Variants in ZFHX3 observed in about 807,000 individuals in gnomAD.
ZFHX3 encodes zinc finger homeobox protein 3.
In ZFHX3, 42 loss-of-function variants were observed where a neutral mutation model predicts 279.1. That is an observed-to-expected ratio of 0.15 (90% confidence interval 0.12 to 0.19). The LOEUF is 0.19. Among genes scored for constraint, ZFHX3 ranks in the 10% least tolerant of loss-of-function variants. The pLI is 1.00. For synonymous variants in ZFHX3, 2,293 were observed against 1,957.8 expected, an observed-to-expected ratio of 1.17 and a Z score of -4.52; for missense variants, 4,981 against 4,754.0, an observed-to-expected ratio of 1.05 and a Z score of -1.40.
intron 4 of ZFHX3, among the ~76,000 whole-genome samples, chr16:73,314,271 T>C (rs1947534791): frequency 6.6e-6 from 1 of 152,200 alleles, no homozygotes; most frequent in Non-Finnish European, 1.5e-5. Flanking sequence ...CACTCCTGAG[T>C]CTTGAGCCTG....
At chr16:73,394,896 G>C (rs2017096059) in intron 3 of ZFHX3, among the ~76,000 whole-genome samples, 1 of 152,062 alleles carries the variant, frequency 6.6e-6, no homozygotes, top group Non-Finnish European at 1.5e-5. Flanking sequence ...GGCCCAGAAG[G>C]GTAAAGACAT....
At chr16:72,919,777 CTTTTTTTTTTTT>C (rs532405250) in intron 3 of ZFHX3, among the ~76,000 whole-genome samples, 311 of 42,292 alleles carry the variant, frequency 7.4e-3, no homozygotes, top group African/African-American at 0.031. Context: ...TATGCACCAT[CTTTTTTTTTTTT>C]TTTTTTTTTT....
chr16:73,473,513 T>C (rs1485048312), intron 2 of ZFHX3, among the ~76,000 whole-genome samples: 1 of 152,110 alleles, frequency 6.6e-6, no homozygotes, highest in Non-Finnish European at 1.5e-5. Context: ...AGTCCTGGCC[T>C]ATGTTTGATC....
intron 1 of ZFHX3, among the ~76,000 whole-genome samples, chr16:73,842,486 A>G (rs1167294701): frequency 3.3e-5 from 5 of 151,980 alleles, no homozygotes; most frequent in African/African-American, 1.2e-4. Flanking sequence ...TTTTGCTAAG[A>G]GTACAGTCTC....
chr16:73,310,422 C>G (rs951500353), intron 4 of ZFHX3, among the ~76,000 whole-genome samples: 2 of 152,318 alleles, frequency 1.3e-5, no homozygotes, highest in African/African-American at 4.8e-5. Flanking sequence ...TGTCTGCACT[C>G]GGGGTCACTG....
intron 3 of ZFHX3, among the ~76,000 whole-genome samples, chr16:72,897,439 CT>C (rs941256451): frequency 3.3e-5 from 5 of 152,036 alleles, no homozygotes; most frequent in South Asian, 2.1e-4. Flanking sequence ...TACACACATA[CT>C]TTTTTTCTTT....
chr16:72,852,554 A>T (rs2037643607), intron 4 of ZFHX3, among the ~76,000 whole-genome samples: 2 of 152,258 alleles, frequency 1.3e-5, no homozygotes, highest in Admixed American at 1.3e-4. Context: ...CAAAATGGAG[A>T]CAGCTGTGCA....
At chr16:73,014,764 G>C (rs1172906404) in intron 1 of ZFHX3, among the ~76,000 whole-genome samples, 1 of 151,558 alleles carries the variant, frequency 6.6e-6, no homozygotes, top group African/African-American at 2.4e-5. Flanking sequence ...CACCTGCCTC[G>C]GCCTCCCAAA....
At chr16:73,332,356 A>G (rs1219716669) in intron 3 of ZFHX3, among the ~76,000 whole-genome samples, 3 of 152,228 alleles carry the variant, frequency 2.0e-5, no homozygotes, top group African/African-American at 4.8e-5. Context: ...TAAATCATTT[A>G]CATGACAGTG....
At chr16:73,887,615 T>C (rs1379244570) in intron 1 of ZFHX3, among the ~76,000 whole-genome samples, 1 of 151,616 alleles carries the variant, frequency 6.6e-6, no homozygotes, top group East Asian at 1.9e-4. Context: ...TTCTTTAGAG[T>C]AGATGAATTG....
At chr16:73,082,331 G>A (rs535941401) in intron 8 of ZFHX3, among the ~76,000 whole-genome samples, 5 of 152,050 alleles carry the variant, frequency 3.3e-5, no homozygotes, top group Admixed American at 6.6e-5. Flanking sequence ...GCAGTGGCGC[G>A]ATCTTGGCTC....
chr16:72,885,859 G>A (rs2038609648), intron 4 of ZFHX3, among the ~76,000 whole-genome samples: 1 of 152,230 alleles, frequency 6.6e-6, no homozygotes, highest in African/African-American at 2.4e-5. Context: ...CTTCTGGTCA[G>A]AGTGGGTGGG....
chr16:73,288,804 C>T (rs1311976927), intron 4 of ZFHX3, among the ~76,000 whole-genome samples: 2 of 151,824 alleles, frequency 1.3e-5, no homozygotes, highest in African/African-American at 2.4e-5. Context: ...AATAACCGCC[C>T]GTTTTCACAT....
intron 7 of ZFHX3, chr16:73,126,548 T>A (rs1039936713): frequency 6.6e-6 from 1 of 152,098 alleles, no homozygotes; most frequent in Non-Finnish European, 1.5e-5. Flanking sequence ...AGGGTACACG[T>A]TGGAAAAAAA....
chr16:73,385,060 G>A (rs927113028), intron 3 of ZFHX3, among the ~76,000 whole-genome samples: 1 of 152,116 alleles, frequency 6.6e-6, no homozygotes, highest in Non-Finnish European at 1.5e-5. Context: ...ATTTCATGAC[G>A]CTAAGAAGGC....
chr16:73,781,500 C>T (rs183482675), intron 1 of ZFHX3, among the ~76,000 whole-genome samples: 86 of 152,284 alleles, frequency 5.6e-4, no homozygotes, highest in African/African-American at 1.9e-3. Context: ...TCATCATTTG[C>T]ATAACATCTA....
chr16:73,279,794 C>T (rs1046159503), intron 4 of ZFHX3, among the ~76,000 whole-genome samples: 8 of 152,110 alleles, frequency 5.3e-5, no homozygotes, highest in Admixed American at 3.9e-4. Context: ...CAGAGTCTTG[C>T]AACTGAGCAA....
chr16:73,317,645 G>C (rs897316180), intron 4 of ZFHX3, among the ~76,000 whole-genome samples: 3 of 152,106 alleles, frequency 2.0e-5, no homozygotes, highest in East Asian at 1.9e-4. Context: ...TGGCCATTGG[G>C]GGCCAGCAGT....
At chr16:73,082,486 G>T (rs1028608835) in intron 8 of ZFHX3, among the ~76,000 whole-genome samples, 2 of 151,682 alleles carry the variant, frequency 1.3e-5, no homozygotes, top group African/African-American at 4.8e-5. Context: ...AGCCAGGATG[G>T]TCTCGATCTC....
Sources: allele counts gnomAD v4.1 joint callset (sites outside exome capture counted in the v4.1 genomes callset), GRCh38; gene constraint gnomAD v4.1.1; transcripts MANE v1.5; gene names NCBI Gene and HGNC (gene_info 2026-07-23, HGNC 2026-07-21).